Variants in GPAT4 observed in about 807,000 individuals in gnomAD.
GPAT4 encodes the protein 1-AGP acyltransferase 6.
GPAT4 carries 17 observed loss-of-function variants against 58.0 expected under a neutral mutation model. That is an observed-to-expected ratio of 0.29 (90% CI 0.20 to 0.44). GPAT4 has a LOEUF of 0.44. Ranked by LOEUF, GPAT4 falls within the 20% of genes least tolerant of loss-of-function variation. The probability of loss-of-function intolerance (pLI) is 1.00; values close to 1 mark genes in which losing one functional copy is unlikely to be tolerated. For synonymous variants in GPAT4, 204 were observed against 210.1 expected, an observed-to-expected ratio of 0.97 and a Z score of 0.25; for missense variants, 377 against 574.5, an observed-to-expected ratio of 0.66 and a Z score of 3.51.
chr8:41,603,757 G>T (rs1408403799), intron 2 of GPAT4, among the ~76,000 whole-genome samples: 2 of 152,068 alleles, frequency 1.3e-5, no homozygotes, highest in Non-Finnish European at 2.9e-5. Context: ...CTTGCCCCTG[G>T]ACCCCAGCTA....
intron 1 of GPAT4, among the ~76,000 whole-genome samples, chr8:41,597,251 G>A (rs760279507): frequency 6.6e-5 from 10 of 152,320 alleles, no homozygotes; most frequent in South Asian, 2.1e-4. Flanking sequence ...ATTTTAAGGC[G>A]AAGTCAGTAC....
At chr8:41,615,194 C>CA in intron 10 of GPAT4, 146 bp downstream of exon 10, 1 of 678,644 alleles carries the variant, frequency 1.5e-6, no homozygotes, top group Non-Finnish European at 2.5e-6. Context: ...TGACGTGGGT[C>CA]AAGTGCTGCC....
intron 10 of GPAT4, among the ~76,000 whole-genome samples, chr8:41,616,806 C>T (rs1370447836): frequency 1.3e-5 from 2 of 152,182 alleles, no homozygotes; most frequent in East Asian, 3.8e-4. Context: ...TGGCTAAGAA[C>T]ATCTGGTCTA....
At chr8:41,618,525 G>T in intron 10 of GPAT4, 159 bp from the exon 11 acceptor site, 1 of 893,476 alleles carries the variant, frequency 1.1e-6, no homozygotes, top group Non-Finnish European at 1.8e-6. Context: ...AGTCAGAACC[G>T]GCCACATGGA....
intron 1 of GPAT4, among the ~76,000 whole-genome samples, chr8:41,590,180 A>G (rs1802753650): frequency 2.6e-5 from 4 of 151,360 alleles, no homozygotes. Context: ...GAGTCTTCCC[A>G]GGTTCAAGCA....
At chr8:41,605,933 G>A (rs1803249733) in intron 2 of GPAT4, among the ~76,000 whole-genome samples, 3 of 152,162 alleles carry the variant, frequency 2.0e-5, no homozygotes, top group Admixed American at 2.0e-4. Context: ...TGGATCGGAG[G>A]GAAGCAAGAG....
rs549005327 is a variant in GPAT4 at position 41,617,704 on chromosome 8, G to A, written c.1054-980G>A. Among the ~76,000 whole-genome samples the A allele has an allele frequency of 3.3e-4, 50 of 152,322 alleles. 1 individual carries two copies. In the South Asian group the frequency reaches 7.3e-3, roughly 22 times the overall value. On this transcript the variant is annotated intron_variant, in intron 10 of 12. Transcript: ENST00000396987. The stretch of plus-strand genomic sequence containing the variant: ...GGGCTCCTTCTCAGGCTTTCCCAGG[G>A]AAAGGGCATTTTTGATGTTGTTGGC...
At chr8:41,588,998 C>G (rs1214675371) in intron 1 of GPAT4, among the ~76,000 whole-genome samples, 1 of 152,154 alleles carries the variant, frequency 6.6e-6, no homozygotes, top group African/African-American at 2.4e-5. Flanking sequence ...AATGGCTTCC[C>G]CAGCTCACAT....
intron 10 of GPAT4, among the ~76,000 whole-genome samples, chr8:41,617,825 T>G (rs747609731): frequency 3.3e-5 from 5 of 152,226 alleles, no homozygotes; most frequent in Non-Finnish European, 7.4e-5. Flanking sequence ...CTGCCTTGTG[T>G]ACAGGATCCC....
intron 1 of GPAT4, among the ~76,000 whole-genome samples, chr8:41,581,621 T>C (rs1289340336): frequency 1.3e-5 from 2 of 148,688 alleles, no homozygotes; most frequent in African/African-American, 2.5e-5. Context: ...CAGGCCTTTG[T>C]TGACTTTTTT....
intron 2 of GPAT4, among the ~76,000 whole-genome samples, chr8:41,608,219 T>G (rs1046174765): frequency 6.6e-6 from 1 of 152,230 alleles, no homozygotes; most frequent in African/African-American, 2.4e-5. Flanking sequence ...CTGATTAAAC[T>G]CGCGTGCAGC....
In GPAT4 at chr8:41,621,922, A is replaced by C. The variant is rs575872345; in HGVS notation, c.*921A>C. 1 of 152,128 alleles carries C rather than the reference A, an allele frequency of 6.6e-6. No homozygotes were observed. Among genetic ancestry groups the C allele is most frequent in the African/African-American group, 2.4e-5 (1 of 41,364 alleles). The allele number at this position is 152,128 out of a possible 1,614,324, so 9.4% of individuals were successfully genotyped here. On this transcript the variant is annotated 3_prime_UTR_variant, in exon 13 of 13. Transcript: ENST00000396987. Reference sequence around the variant, plus strand: ...AACTGGCTGGTGAATGAACTGGGGGACTTCTCCCTTTACTTTCTCCCCTGG... The same window carrying C: ...AACTGGCTGGTGAATGAACTGGGGGCCTTCTCCCTTTACTTTCTCCCCTGG...
chr8:41,615,451 T>G (rs10958694), intron 10 of GPAT4, among the ~76,000 whole-genome samples: 18,437 of 70,884 alleles, frequency 0.26, 1,298 homozygotes, highest in Middle Eastern at 0.34. Context: ...CCATGAGGAT[T>G]GGGGGGGGGG....
intron 7 of GPAT4, 136 bp from the exon 8 acceptor site, chr8:41,612,706 GGCA>G (rs1173722376): frequency 3.0e-6 from 2 of 670,596 alleles, no homozygotes; most frequent in Non-Finnish European, 5.0e-6. Context: ...GTGGTTTCTT[GGCA>G]GTGAGCAACC....
At position 41,581,162 on chromosome 8, in the gene GPAT4, C is replaced by T. The variant is rs115742309; in HGVS notation, c.-849+2884C>T. ...CATGTATCACTAAACCATGTAATAG[C>T]GTACACTATGATTAAGGCTTTTTAA... On this transcript the variant is annotated intron_variant, in intron 1 of 12. Transcript: ENST00000396987. 1.8e-3 allele frequency among the ~76,000 whole-genome samples: 270 copies of T among 152,298 alleles called. 3 individuals carry two copies. Among genetic ancestry groups the T allele is most frequent in the African/African-American group, 6.0e-3 (250 of 41,556 alleles).
intron 1 of GPAT4, among the ~76,000 whole-genome samples, chr8:41,587,248 A>G (rs1249140791): frequency 1.3e-5 from 2 of 152,220 alleles, no homozygotes; most frequent in Non-Finnish European, 2.9e-5. Context: ...CTGTCAGGCC[A>G]TGTGAACTTT....
chr8:41,603,305 T>A (rs1352933828), intron 2 of GPAT4, among the ~76,000 whole-genome samples: 1 of 152,100 alleles, frequency 6.6e-6, no homozygotes, highest in Non-Finnish European at 1.5e-5. Flanking sequence ...GGCAGGTGGA[T>A]CACCTGAGGT....
At chr8:41,584,821 G>GT (rs940612220) in intron 1 of GPAT4, 1 of 152,062 alleles carries the variant, frequency 6.6e-6, no homozygotes, top group African/African-American at 2.4e-5. Context: ...TACCAGTGCC[G>GT]TGTTACTTAT....
rs968543464 is a variant in GPAT4, at chr8:41,623,613, T to G, written c.*2612T>G. The G allele has an allele frequency of 2.6e-5, 4 of 152,264 alleles. No homozygotes were observed. Among genetic ancestry groups the G allele is most frequent in the Admixed American group, 6.5e-5 (1 of 15,282 alleles). 9.4% of individuals were successfully genotyped at this position (152,264 alleles called of 1,614,324 possible). A position where few individuals can be genotyped will look rare whatever the true frequency, so the allele number is the denominator to read the frequency against. On this transcript the variant is annotated 3_prime_UTR_variant, in exon 13 of 13. Transcript: ENST00000396987. ...CATAGTTCAAACTTTGGCTTTGATC[T>G]CTGAAGTCTTCTGGGTTTGGAAATA...
Sources: gnomAD v4.1 joint callset for allele counts (sites outside exome capture counted in the v4.1 genomes callset) on GRCh38, gnomAD v4.1.1 for gene constraint, MANE v1.5 for transcripts, NCBI Gene and HGNC (gene_info 2026-07-23, HGNC 2026-07-21) for gene names.